PPARGC1A: variants seen among roughly 807,000 people sequenced by gnomAD.
PPARGC1A encodes the protein PPARG coactivator 1 alpha.
PPARGC1A carries 25 observed loss-of-function variants against 88.7 expected under a neutral mutation model. The ratio of observed to expected loss-of-function variants is 0.28; its 90% CI spans 0.21 to 0.39. The LOEUF is 0.39. Ranked by LOEUF, PPARGC1A falls within the 10% of genes least tolerant of loss-of-function variation. The probability of loss-of-function intolerance (pLI) is 1.00; values close to 1 mark genes in which losing one functional copy is unlikely to be tolerated. For missense variants in PPARGC1A, 880 were observed against 968.7 expected (o/e 0.91, Z 1.22); for synonymous variants, 363 against 355.6 (o/e 1.02, Z -0.24).
chr4:24,365,628 G>A, the PPARGC1A span, among the ~76,000 whole-genome samples: 1 of 152,142 alleles, frequency 6.6e-6, no homozygotes, highest in African/African-American at 2.4e-5. Flanking sequence ...AGGTGCAGCT[G>A]TATTGTTATT....
At chr4:24,061,658 C>T in the PPARGC1A span, among the ~76,000 whole-genome samples, 45,805 of 152,178 alleles carry the variant, frequency 0.3, 7,298 homozygotes, top group African/African-American at 0.36. Context: ...AAGCTGTTGA[C>T]TCAGCTTGCT....
the PPARGC1A span, among the ~76,000 whole-genome samples, chr4:24,391,011 G>A: frequency 1.3e-5 from 2 of 151,968 alleles, no homozygotes; most frequent in Admixed American, 6.6e-5. Context: ...ATCCTTTGGC[G>A]ATAAAAGCTT....
At chr4:24,095,131 T>TC in the PPARGC1A span, among the ~76,000 whole-genome samples, 1 of 150,686 alleles carries the variant, frequency 6.6e-6, no homozygotes, top group African/African-American at 2.5e-5. Context: ...TTTTTTTTTT[T>TC]TTCTGAGACA....
the PPARGC1A span, among the ~76,000 whole-genome samples, chr4:24,310,509 T>C: frequency 6.6e-6 from 1 of 152,212 alleles, no homozygotes; most frequent in Non-Finnish European, 1.5e-5. Flanking sequence ...ACTGTTTTTC[T>C]GGTCTGAAGA....
the PPARGC1A span, among the ~76,000 whole-genome samples, chr4:24,371,530 T>A: frequency 6.6e-6 from 1 of 152,198 alleles, no homozygotes; most frequent in East Asian, 1.9e-4. Context: ...GCTGACAGAA[T>A]ATCTCCTGAA....
At chr4:24,461,465 G>A in the PPARGC1A span, among the ~76,000 whole-genome samples, 1 of 152,162 alleles carries the variant, frequency 6.6e-6, no homozygotes, top group Admixed American at 6.5e-5. Flanking sequence ...AAGGGAAAAA[G>A]AGAGAGAAAG....
At chr4:24,270,974 C>A in the PPARGC1A span, among the ~76,000 whole-genome samples, 1 of 152,114 alleles carries the variant, frequency 6.6e-6, no homozygotes, top group South Asian at 2.1e-4. Context: ...ATGATCATGG[C>A]TAATACGGTT....
chr4:24,029,229 C>T, the PPARGC1A span, among the ~76,000 whole-genome samples: 2 of 152,120 alleles, frequency 1.3e-5, no homozygotes, highest in African/African-American at 4.8e-5. Flanking sequence ...TTGGGAGAAA[C>T]GACTAGGGAA....
chr4:23,870,587 T>C (rs1373911482), intron 2 of PPARGC1A, among the ~76,000 whole-genome samples: 3 of 152,196 alleles, frequency 2.0e-5, no homozygotes. Flanking sequence ...AATAGAACAT[T>C]AGACAACCGG....
chr4:24,248,144 A>C, the PPARGC1A span, among the ~76,000 whole-genome samples: 1 of 151,948 alleles, frequency 6.6e-6, no homozygotes, highest in African/African-American at 2.4e-5. Context: ...CTTTTTTTTG[A>C]AATGGAGTCT....
the PPARGC1A span, among the ~76,000 whole-genome samples, chr4:24,171,169 T>C: frequency 6.6e-6 from 1 of 152,146 alleles, no homozygotes; most frequent in Non-Finnish European, 1.5e-5. Flanking sequence ...CCCAGCACTT[T>C]GGGACACTGA....
the PPARGC1A span, among the ~76,000 whole-genome samples, chr4:24,035,093 C>G: frequency 6.6e-6 from 1 of 152,114 alleles, no homozygotes; most frequent in African/African-American, 2.4e-5. Context: ...TTCAGGAGAG[C>G]AATACATGAT....
chr4:24,122,033 C>A, the PPARGC1A span, among the ~76,000 whole-genome samples: 2 of 151,990 alleles, frequency 1.3e-5, no homozygotes. Flanking sequence ...AAGGGATGAG[C>A]TGGATAAACA....
At chr4:24,379,337 TAGAC>T in the PPARGC1A span, among the ~76,000 whole-genome samples, 1 of 152,118 alleles carries the variant, frequency 6.6e-6, no homozygotes, top group Non-Finnish European at 1.5e-5. Context: ...AACATACAAT[TAGAC>T]AGATGGTATA....
At chr4:24,419,378 T>A in the PPARGC1A span, among the ~76,000 whole-genome samples, 1 of 149,000 alleles carries the variant, frequency 6.7e-6, no homozygotes, top group Non-Finnish European at 1.5e-5. Context: ...TGTGTGTGTG[T>A]GTGTCTTATG....
the PPARGC1A span, among the ~76,000 whole-genome samples, chr4:24,427,437 T>G: frequency 6.6e-6 from 1 of 152,038 alleles, no homozygotes; most frequent in Admixed American, 6.5e-5. Flanking sequence ...AGTGCTACCA[T>G]GTCCAGTTAG....
the PPARGC1A span, among the ~76,000 whole-genome samples, chr4:24,157,753 C>T: frequency 1.2e-4 from 18 of 152,208 alleles, no homozygotes; most frequent in East Asian, 3.5e-3. Context: ...CCCCATCTTT[C>T]CATTTCTATT....
upstream of PPARGC1A, among the ~76,000 whole-genome samples, chr4:23,890,562 C>T (rs893789448): frequency 9.9e-5 from 14 of 141,902 alleles, no homozygotes; most frequent in African/African-American, 3.6e-4. Flanking sequence ...TTTTATGAGA[C>T]ATTTTCTCAT....
the PPARGC1A span, among the ~76,000 whole-genome samples, chr4:24,467,052 AAGAAAGAAAG>A: frequency 1.5e-5 from 2 of 135,858 alleles, no homozygotes; most frequent in African/African-American, 5.7e-5. Context: ...GAGAGAGAAA[AAGAAAGAAAG>A]AGAAAGAAAG....
Sources: allele counts gnomAD v4.1 joint callset (sites outside exome capture counted in the v4.1 genomes callset), GRCh38; gene constraint gnomAD v4.1.1; transcripts MANE v1.5; gene names NCBI Gene and HGNC (gene_info 2026-07-23, HGNC 2026-07-21).